Variants in RSPH4A observed in about 807,000 individuals in gnomAD.
RSPH4A encodes radial spoke head component 4A, also known as radial spoke head protein 4 homolog A.
Under a neutral mutation model 71.0 loss-of-function variants are expected in RSPH4A, and 47 were observed. The observed-to-expected ratio is 0.66, with a 90% CI of 0.52 to 0.84. The LOEUF is 0.84. RSPH4A is among the 40% of genes least tolerant of loss of function. The pLI, the probability that RSPH4A is intolerant of heterozygous loss-of-function variation, is 0.00. For synonymous variants in RSPH4A, 282 were observed against 302.3 expected, an observed-to-expected ratio of 0.93 and a Z score of 0.70; for missense variants, 793 against 855.2, an observed-to-expected ratio of 0.93 and a Z score of 0.91.
chr6:116,629,752 T>C, intron 4 of RSPH4A, 50 bp downstream of exon 4: 2 of 1,475,742 alleles, frequency 1.4e-6, no homozygotes, highest in Non-Finnish European at 1.9e-6. Context: ...CAATATAATA[T>C]ACTGTGTGCA....
At position 116,627,853 on chromosome 6, in the gene RSPH4A, G is replaced by GGAAGAGGAAGATGTAGCT; in HGVS notation, c.1153_1170dup (p.Glu385_Glu390dup). ...GTGAGGGGGAAGATGAAGAGGAAGTGGAAGAGGAAGATGTAGCTGAAGAGA... is the reference window on the plus strand; with the variant it reads ...GTGAGGGGGAAGATGAAGAGGAAGTGGAAGAGGAAGATGTAGCTGAAGAGGAAGATGTAGCTGAAGAGA... On this transcript the variant is annotated inframe_insertion, in exon 3 of 6. Coordinates refer to ENST00000229554, the MANE Select transcript of RSPH4A (RefSeq NM_001010892.3). 6.2e-7 allele frequency: 1 copy of GGAAGAGGAAGATGTAGCT among 1,613,810 alleles called. No individual in the cohort carries two copies. The highest frequency in any genetic ancestry group is 8.5e-7 in the Non-Finnish European group (1 of 1,179,728).
chr6:116,623,034 C>G (rs746310134), intron 2 of RSPH4A, 32 bp downstream of exon 2: 1 of 1,290,956 alleles, frequency 7.7e-7, no homozygotes, highest in Non-Finnish European at 1.1e-6. Context: ...TAATAATAAA[C>G]CTTAGGATTT....
At chr6:116,617,354 G>A (rs368719626) in intron 1 of RSPH4A, 45 bp downstream of exon 1, 7 of 1,373,290 alleles carry the variant, frequency 5.1e-6, no homozygotes, top group Non-Finnish European at 7.1e-6. Flanking sequence ...CAAAGCAAGA[G>A]GGTGTGTGAG....
rs1243776252 is a variant in RSPH4A at position 116,617,102 on chromosome 6, T to A, written c.479T>A (p.Leu160Gln). 6.2e-7 allele frequency: 1 copy of A among 1,614,184 alleles called. No individual in the cohort carries two copies. Among genetic ancestry groups the A allele is most frequent in the East Asian group, 2.2e-5 (1 of 44,874 alleles). The change falls in exon 1 of 6, where the codon CTG becomes CAG. Residue 160 changes from leucine (L) to glutamine (Q), a missense_variant. Physicochemically the swap from Leu to Gln is moderately radical, Grantham distance 113. Transcript: ENST00000229554. ...CAGTCTCAGCAACCCAAACCCCACCTGTGTGGACGAAGGGACGTGAGCTAT... is the reference window on the plus strand; with the variant it reads ...CAGTCTCAGCAACCCAAACCCCACCAGTGTGGACGAAGGGACGTGAGCTAT... The part of the protein sequence containing the change: ...FQQSQQPKPH[L>Q]CGRRDVSYNN...
Position 116,616,635 on chromosome 6 carries a change from A to G in RSPH4A, c.12A>G (p.Ser4=). The change falls in exon 1 of 6, where the codon TCA becomes TCG. Residue 4 remains serine, a synonymous_variant. Transcript: ENST00000229554. MED[S]TSPKQEKENQ... Reference sequence around the variant, plus strand: ...CTTGAACTGCTTCCATGGAGGACTCAACCTCCCCGAAGCAAGAAAAAGAAA... The same window carrying G: ...CTTGAACTGCTTCCATGGAGGACTCGACCTCCCCGAAGCAAGAAAAAGAAA... 6.2e-7 allele frequency: 1 copy of G among 1,612,884 alleles called. No homozygotes were observed. Among genetic ancestry groups the G allele is most frequent in the East Asian group, 2.2e-5 (1 of 44,858 alleles).
chr6:116,625,013 GTTGTGTGA>G (rs1775671373), intron 2 of RSPH4A, among the ~76,000 whole-genome samples: 1 of 151,978 alleles, frequency 6.6e-6, no homozygotes, highest in African/African-American at 2.4e-5. Flanking sequence ...TAGCTTGCTA[GTTGTGTGA>G]TTTTGAGCAA....
At chr6:116,624,935 A>G (rs1263516767) in intron 2 of RSPH4A, among the ~76,000 whole-genome samples, 2 of 152,242 alleles carry the variant, frequency 1.3e-5, no homozygotes, top group Non-Finnish European at 2.9e-5. Context: ...ATAAAGAGAC[A>G]GCCTCATATG....
chr6:116,627,938 T>TA lies in RSPH4A; in HGVS notation c.1232dup (p.Tyr411Ter). Residue 411 changes from tyrosine (Y) to a stop codon, truncating the protein, a stop_gained and frameshift_variant, in exon 3 of 6, where the codon TAC (tyrosine) becomes TAAC (stop). Coordinates refer to ENST00000229554, the MANE Select transcript of RSPH4A (RefSeq NM_001010892.3). LOFTEE classifies it high-confidence loss of function. ...GGAAGATGAATTACCAAAGTCCTTT[T>TA]ACAAGGCCCCACAGGCTATACCAAA... ...DEEDELPKSFYKAPQAIPKEE... is the reference protein window; with the variant it reads ...DEEDELPKSF 1 of 1,614,150 alleles carries TA rather than the reference T, an allele frequency of 6.2e-7. No individual in the cohort carries two copies. The highest frequency in any genetic ancestry group is 8.5e-7 in the Non-Finnish European group (1 of 1,180,014).
intron 5 of RSPH4A, among the ~76,000 whole-genome samples, chr6:116,631,253 T>G (rs982030523): frequency 8.5e-5 from 13 of 152,210 alleles, no homozygotes; most frequent in Non-Finnish European, 1.6e-4. Flanking sequence ...AGATCATTTC[T>G]GGAGAGAAAG....
At chr6:116,619,663 G>T (rs2115353695) in intron 1 of RSPH4A, among the ~76,000 whole-genome samples, 1 of 149,854 alleles carries the variant, frequency 6.7e-6, no homozygotes, top group African/African-American at 2.4e-5. Context: ...AAAAATTAAT[G>T]TATGATGTGA....
chr6:116,620,127 C>T (rs1220073993), intron 1 of RSPH4A, among the ~76,000 whole-genome samples: 2 of 152,230 alleles, frequency 1.3e-5, no homozygotes, highest in Middle Eastern at 6.8e-3. Context: ...GTCATAATGC[C>T]CTATGTTAGA....
chr6:116,625,268 T>C (rs561004858), intron 2 of RSPH4A, among the ~76,000 whole-genome samples: 103 of 152,280 alleles, frequency 6.8e-4, no homozygotes, highest in African/African-American at 2.4e-3. Context: ...ATTTGGGCCA[T>C]GAAGGATAAG....
intron 4 of RSPH4A, 82 bp downstream of exon 4, chr6:116,629,784 C>T (rs986705630): frequency 1.8e-5 from 24 of 1,331,618 alleles, no homozygotes; most frequent in African/African-American, 5.9e-5. Context: ...ATATGAGAGT[C>T]GGAAAGCTCT....
chr6:116,620,025 T>C (rs766488106), intron 1 of RSPH4A, among the ~76,000 whole-genome samples: 32 of 152,198 alleles, frequency 2.1e-4, no homozygotes, highest in Non-Finnish European at 3.4e-4. Context: ...AGCCTATTAG[T>C]TAATATTTTA....
At position 116,617,119 on chromosome 6, in the gene RSPH4A, G is replaced by A. The variant is rs77016758; in HGVS notation, c.496G>A (p.Val166Met). Residue 166 changes from valine (V) to methionine (M), a missense_variant, in exon 1 of 6, where the codon GTG becomes ATG. Val to Met is a conservative substitution (Grantham distance 21). Transcript: ENST00000229554. ...PKPHLCGRRD[V>M]SYNNAKQKEL... ...ACCCCACCTGTGTGGACGAAGGGAC[G>A]TGAGCTATAACAACGCTAAACAGAA... 2 of 1,614,216 alleles carry A rather than the reference G, an allele frequency of 1.2e-6. No homozygotes were observed. Among genetic ancestry groups the A allele is most frequent in the Non-Finnish European group, 1.7e-6 (2 of 1,180,036 alleles).
chr6:116,630,317 ATG>A, intron 4 of RSPH4A, 116 bp from the exon 5 acceptor site: 1 of 756,174 alleles, frequency 1.3e-6, no homozygotes, highest in Non-Finnish European at 2.4e-6. Context: ...TGTATCAAGT[ATG>A]TGTGTATCTG....
chr6:116,628,430 C>A, intron 3 of RSPH4A, 61 bp downstream of exon 3: 4 of 1,281,736 alleles, frequency 3.1e-6, no homozygotes, highest in Non-Finnish European at 4.5e-6. Flanking sequence ...TAAATGGTCA[C>A]TATAATGCAC....
At chr6:116,628,747 C>A (rs957436604) in intron 3 of RSPH4A, among the ~76,000 whole-genome samples, 2 of 152,146 alleles carry the variant, frequency 1.3e-5, no homozygotes, top group Admixed American at 1.3e-4. Context: ...AATTTTATCT[C>A]TATAATACAT....
chr6:116,617,211 G>C lies in RSPH4A; in HGVS notation c.588G>C (p.Ala196=). The change falls in exon 1 of 6, where the codon GCG becomes GCC. Residue 196 remains alanine (A), a synonymous_variant. Transcript: ENST00000229554. ...SNSDYDLQQP[A]PGGSEVAPSM... The stretch of plus-strand genomic sequence containing the variant: ...GTGACTATGATTTACAGCAGCCGGC[G>C]CCTGGGGGCTCTGAAGTGGCCCCCA... 1.2e-6 allele frequency: 2 copies of C among 1,614,126 alleles called. No homozygotes were observed.
Sources: allele counts gnomAD v4.1 joint callset (sites outside exome capture counted in the v4.1 genomes callset), GRCh38; gene constraint gnomAD v4.1.1; transcripts MANE v1.5; gene names NCBI Gene and HGNC (gene_info 2026-07-23, HGNC 2026-07-21).